DENND6B: variants seen among roughly 807,000 people sequenced by gnomAD.
The protein encoded by DENND6B is DENN domain containing 6B.
In DENND6B, 73 loss-of-function variants were observed where a neutral mutation model predicts 85.1. The ratio of observed to expected loss-of-function variants is 0.86; its 90% CI spans 0.71 to 1.04. DENND6B has a LOEUF of 1.04. Ranked by LOEUF, DENND6B falls within the 50% of genes least tolerant of loss-of-function variation. The pLI is 0.00. For missense variants in DENND6B, 715 were observed against 785.8 expected (o/e 0.91, Z 1.08); for synonymous variants, 357 against 329.3 (o/e 1.08, Z -0.91).
In DENND6B at chr22:50,313,633, A is replaced by C; in HGVS notation, c.1293+2T>G. On this transcript the variant is annotated splice_donor_variant, in intron 15 of 19. Coordinates refer to ENST00000413817, the MANE Select transcript of DENND6B (RefSeq NM_001001794.4). LOFTEE classifies it high-confidence loss of function. The stretch of plus-strand genomic sequence containing the variant: ...CCCATGTCCCCCAGCCCCGGGCCTC[A>C]CCAGGGGGATGATGAAGCTCTGGGT... 1 of 1,524,416 alleles carries C rather than the reference A, an allele frequency of 6.6e-7. No individual in the cohort carries two copies. Among genetic ancestry groups the C allele is most frequent in the Non-Finnish European group, 8.8e-7 (1 of 1,137,200 alleles). 94.4% of individuals were successfully genotyped at this position (1,524,416 alleles called of 1,614,324 possible).
At chr22:50,317,505 T>C in intron 4 of DENND6B, 132 bp from the exon 5 acceptor site, 1 of 1,015,588 alleles carries the variant, frequency 9.8e-7, no homozygotes, top group Non-Finnish European at 1.5e-6. Context: ...CTCCTGGAGC[T>C]GCTGTCCGTG....
intron 3 of DENND6B, 89 bp downstream of exon 3, chr22:50,318,758 A>T (rs1231611861): frequency 6.4e-7 from 1 of 1,554,828 alleles, no homozygotes; most frequent in Admixed American, 1.8e-5. Context: ...GCACCGGGGC[A>T]GCCGAGGCAG....
Position 50,317,353 on chromosome 22 carries a change from G to A in DENND6B, c.393C>T (p.Phe131=), listed in dbSNP as rs145811594. ...TCACCTGCCTGAAGTACACGTAGCC[G>A]AAGTAGTGTGCCGGCTCCCTCTGCA... ...VALQREPAHY[F]GYVYFRQVKD... The change falls in exon 5 of 20, where the codon TTC becomes TTT. Residue 131 remains phenylalanine, a synonymous_variant. Transcript: ENST00000413817. 7.1e-3 allele frequency: 11,476 copies of A among 1,613,008 alleles called. 97 individuals are homozygous for A. Among genetic ancestry groups the A allele is most frequent in the Middle Eastern group, 0.021 (130 of 6,060 alleles).
rs1316767641 is a variant in DENND6B at position 50,313,745 on chromosome 22, G to A, written c.1204-21C>T. ...ACGCCCTGCAGGGGAGAGAGGGCCA[G>A]GCCCTTGCTGCGCTTCACACCACAC... On this transcript the variant is annotated intron_variant, in intron 14 of 19. Coordinates refer to ENST00000413817, the MANE Select transcript of DENND6B (RefSeq NM_001001794.4). 3.1e-6 allele frequency: 5 copies of A among 1,605,696 alleles called. No individual in the cohort carries two copies. The Admixed American group carries it at 8.5e-5, about 27-fold the overall frequency.
In DENND6B at chr22:50,313,380, CCTCCT is replaced by C. The variant is rs1266163286; in HGVS notation, c.1347+61_1347+65del. The stretch of plus-strand genomic sequence containing the variant: ...CCACAGCCTCCTGCTCCAGACCTTC[CCTCCT>C]CCGGGTGAGGAAGGGAACCCGCCCT... On this transcript the variant is annotated intron_variant, in intron 16 of 19. Coordinates refer to ENST00000413817, the MANE Select transcript of DENND6B (RefSeq NM_001001794.4). The C allele has an allele frequency of 2.0e-6, 3 of 1,518,804 alleles. No individual in the cohort carries two copies. The East Asian group carries it at 7.3e-5, about 37-fold the overall frequency. The allele number at this position is 1,518,804 out of a possible 1,614,324, so 94.1% of individuals were successfully genotyped here.
chr22:50,325,057 A>T (rs2042154198), intron 1 of DENND6B, among the ~76,000 whole-genome samples: 1 of 152,142 alleles, frequency 6.6e-6, no homozygotes, highest in Non-Finnish European at 1.5e-5. Context: ...GAGGGAGGAA[A>T]GGCAAGAGTC....
intron 1 of DENND6B, among the ~76,000 whole-genome samples, chr22:50,324,590 A>T (rs1483622299): frequency 6.6e-6 from 1 of 151,796 alleles, no homozygotes; most frequent in Non-Finnish European, 1.5e-5. Context: ...ACGCCCGGCT[A>T]ATTTTGTATT....
rs1478676370 is a variant in DENND6B at position 50,312,590 on chromosome 22, T to A, written c.1493A>T (p.Tyr498Phe). 6.3e-7 allele frequency: 1 copy of A among 1,587,028 alleles called. No individual in the cohort carries two copies. Among genetic ancestry groups the A allele is most frequent in the Non-Finnish European group, 8.6e-7 (1 of 1,167,134 alleles). ...FFKSPHFDGW[Y>F]RQRHKEMALK... Reference sequence around the variant, plus strand: ...GGCCATCTCCTTGTGCCGCTGCCGGTACCAGCCATCAAAATGGGGGGACTT... The same window carrying A: ...GGCCATCTCCTTGTGCCGCTGCCGGAACCAGCCATCAAAATGGGGGGACTT... Residue 498 changes from tyrosine to phenylalanine, a missense_variant, in exon 18 of 20, where the codon TAC becomes TTC. Physicochemically the swap from Tyr to Phe is conservative, Grantham distance 22. Coordinates refer to ENST00000413817, the MANE Select transcript of DENND6B (RefSeq NM_001001794.4).
At position 50,317,900 on chromosome 22, in the gene DENND6B, G is replaced by T; in HGVS notation, c.372+8C>A. The T allele has an allele frequency of 6.2e-7, 1 of 1,604,552 alleles. No homozygotes were observed. The highest frequency in any genetic ancestry group is 8.5e-7 in the Non-Finnish European group (1 of 1,178,694). On this transcript the variant is annotated splice_region_variant and intron_variant, in intron 4 of 19. Coordinates refer to ENST00000413817, the MANE Select transcript of DENND6B (RefSeq NM_001001794.4). ...AGAAGCAGGCCAGAGACGCAGCCCAGTGCTCACCTGCAGTGCCACAGGGGC... is the reference window on the plus strand; with the variant it reads ...AGAAGCAGGCCAGAGACGCAGCCCATTGCTCACCTGCAGTGCCACAGGGGC...
chr22:50,314,475 C>A lies in DENND6B; in HGVS notation c.997G>T (p.Val333Phe), dbSNP rs1259532532. 6.4e-7 allele frequency: 1 copy of A among 1,561,578 alleles called. No individual in the cohort carries two copies. The highest frequency in any genetic ancestry group is 1.2e-5 in the South Asian group (1 of 84,994). Residue 333 changes from valine (V) to phenylalanine (F), a missense_variant, in exon 12 of 20, where the codon GTC becomes TTC. By Grantham distance (50) the Val-to-Phe change is conservative (BLOSUM62 -1). Coordinates refer to ENST00000413817, the MANE Select transcript of DENND6B (RefSeq NM_001001794.4). ...GTTTTGATAAAGAAAGGGTTTGTGA[C>A]TCCCAGGACCACGTTTGGTCTAGAC... Reference protein sequence around the residue: ...TQAPPNVVLGVTNPFFIKTLQ... With the variant: ...TQAPPNVVLGFTNPFFIKTLQ...
intron 3 of DENND6B, 82 bp from the exon 4 acceptor site, chr22:50,318,102 G>T: frequency 7.0e-7 from 1 of 1,425,808 alleles, no homozygotes; most frequent in South Asian, 1.2e-5. Context: ...GGGGAGCAAG[G>T]GCCCTGCGAG....
Position 50,314,481 on chromosome 22 carries a change from GGACCACGTTTGGTCTA to G in DENND6B, c.978-3_990del. ...ATAAAGAAAGGGTTTGTGACTCCCA[GGACCACGTTTGGTCTA>G]GACAGACAGAGAGAGAGAAGAGGCA... On this transcript the variant is annotated splice_acceptor_variant and splice_polypyrimidine_tract_variant and coding_sequence_variant and intron_variant, in exon 12 of 20. Coordinates refer to ENST00000413817, the MANE Select transcript of DENND6B (RefSeq NM_001001794.4). LOFTEE classifies it high-confidence loss of function. The G allele has an allele frequency of 6.4e-7, 1 of 1,560,890 alleles. No individual in the cohort carries two copies. Among genetic ancestry groups the G allele is most frequent in the Non-Finnish European group, 8.7e-7 (1 of 1,151,690 alleles).
In DENND6B at chr22:50,314,649, G is replaced by T; in HGVS notation, c.933C>A (p.Ile311=). The T allele has an allele frequency of 6.4e-7, 1 of 1,568,066 alleles. No homozygotes were observed. The change falls in exon 11 of 20, where the codon ATC becomes ATA. Residue 311 remains isoleucine, a synonymous_variant. Transcript: ENST00000413817. ...TGAACTCCTTGAACTCGCTGTCATG[G>T]ATGGTGAAGTAGGGACGGAAGTCGC... is the stretch of plus-strand genomic sequence containing the variant. ...FCCDFRPYFT[I]HDSEFKEFTT...
Position 50,317,331 on chromosome 22 carries a change from C to G in DENND6B, c.415G>C (p.Val139Leu). ...CCCCTCTTCACAGAGCTGTCCTTCA[C>G]CTGCCTGAAGTACACGTAGCCGAAG... ...HYFGYVYFRQVKDSSVKRGYF... is the reference protein window; with the variant it reads ...HYFGYVYFRQLKDSSVKRGYF... Residue 139 changes from valine to leucine, a missense_variant, in exon 5 of 20, where the codon GTG becomes CTG. By Grantham distance (32) the Val-to-Leu change is conservative. Transcript: ENST00000413817. 6.2e-7 allele frequency: 1 copy of G among 1,613,114 alleles called. No individual in the cohort carries two copies. The highest frequency in any genetic ancestry group is 8.5e-7 in the Non-Finnish European group (1 of 1,179,720).
At position 50,310,890 on chromosome 22, in the gene DENND6B, G is replaced by A. The variant is rs1290831270; in HGVS notation, c.*1249C>T. On this transcript the variant is annotated 3_prime_UTR_variant, in exon 20 of 20. Transcript: ENST00000413817. The stretch of plus-strand genomic sequence containing the variant: ...ACCCGGGAGGCAGAGCTTGCAGTGA[G>A]CCGAGATCATGCCACTGCACTCCAG... 6.6e-6 allele frequency: 1 copy of A among 152,090 alleles called. No homozygotes were observed. Among genetic ancestry groups the A allele is most frequent in the Non-Finnish European group, 1.5e-5 (1 of 68,018 alleles). 9.4% of individuals were successfully genotyped at this position (152,090 alleles called of 1,614,324 possible). A position where few individuals can be genotyped will look rare whatever the true frequency, so the allele number is the denominator to read the frequency against.
chr22:50,318,074 G>T (rs559105836), intron 3 of DENND6B, 54 bp from the exon 4 acceptor site: 18 of 1,574,638 alleles, frequency 1.1e-5, no homozygotes, highest in Non-Finnish European at 1.3e-5. Flanking sequence ...TCTTCTGCAG[G>T]CCCTGGAGCT....
intron 1 of DENND6B, among the ~76,000 whole-genome samples, chr22:50,322,504 G>A (rs2042076503): frequency 6.6e-6 from 1 of 152,206 alleles, no homozygotes; most frequent in African/African-American, 2.4e-5. Context: ...CTCTGAGGGA[G>A]CTGGGATGTT....
chr22:50,326,906 G>A lies in DENND6B; in HGVS notation c.83C>T (p.Ala28Val). ...AAGPTSSGRA[A>V]RTPAAPWARF... ...CGCCCAGGGCGCCGCCGGGGTCCGC[G>A]CCGCGCGACCTGAAGACGTGGGTCC... The change falls in exon 1 of 20, where the codon GCG becomes GTG. Residue 28 changes from alanine to valine, a missense_variant. By Grantham distance (64) the Ala-to-Val change is moderately conservative. Transcript: ENST00000413817. 2 of 1,388,266 alleles carry A rather than the reference G, an allele frequency of 1.4e-6. No individual in the cohort carries two copies. Among genetic ancestry groups the A allele is most frequent in the Non-Finnish European group, 9.3e-7 (1 of 1,071,102 alleles). The allele number at this position is 1,388,266 out of a possible 1,614,324, so 86.0% of individuals were successfully genotyped here. A position where few individuals can be genotyped will look rare whatever the true frequency, so the allele number is the denominator to read the frequency against.
Position 50,326,829 on chromosome 22 carries a change from G to A in DENND6B, c.160C>T (p.Leu54=). The change falls in exon 1 of 20, where the codon CTG becomes TTG. Residue 54 remains leucine (L), a synonymous_variant. Transcript: ENST00000413817. The part of the protein sequence containing the change: ...CVCVVTFDLE[L]GQALELVYPN... ...CCGCTCACCTCCAGCGCCTGGCCCA[G>A]CTCCAGGTCGAAGGTGACCACGCAC... is the stretch of plus-strand genomic sequence containing the variant. The A allele has an allele frequency of 7.0e-7, 1 of 1,434,920 alleles. No individual in the cohort carries two copies. The allele number at this position is 1,434,920 out of a possible 1,614,324, so 88.9% of individuals were successfully genotyped here. A position where few individuals can be genotyped will look rare whatever the true frequency, so the allele number is the denominator to read the frequency against.
Sources: allele counts gnomAD v4.1 joint callset (sites outside exome capture counted in the v4.1 genomes callset), GRCh38; gene constraint gnomAD v4.1.1; transcripts MANE v1.5; gene names NCBI Gene and HGNC (gene_info 2026-07-23, HGNC 2026-07-21).